Variants in KLHL1 observed in about 807,000 individuals in gnomAD.
KLHL1 encodes kelch like family member 1, also known as kelch-like protein 1.
A neutral mutation model predicts 77.7 loss-of-function variants in KLHL1; 47 were observed. The ratio of observed to expected loss-of-function variants is 0.60; its 90% CI spans 0.48 to 0.77. KLHL1 has a LOEUF of 0.77. Ranked by LOEUF, KLHL1 falls within the 30% of genes least tolerant of loss-of-function variation. The pLI is 0.00. For missense variants in KLHL1, 925 were observed against 910.8 expected, an observed-to-expected ratio of 1.02 and a Z score of -0.20; for synonymous variants, 360 against 325.2, an observed-to-expected ratio of 1.11 and a Z score of -1.15.
intron 1 of KLHL1, among the ~76,000 whole-genome samples, chr13:70,034,923 G>T (rs2137371399): frequency 6.6e-6 from 1 of 152,114 alleles, no homozygotes. Flanking sequence ...TAGGGTCATG[G>T]AATTAAAATG....
chr13:69,848,131 G>A (rs1190027808), intron 5 of KLHL1, among the ~76,000 whole-genome samples: 1 of 151,314 alleles, frequency 6.6e-6, no homozygotes, highest in East Asian at 2.0e-4. Context: ...AACTGTACAA[G>A]CGAAAACAGA....
chr13:70,009,902 T>C lies in KLHL1; in HGVS notation c.498-34100A>G, dbSNP rs1056531312. ...AAAACCAAGTTGTGAATAATGCTAA[T>C]CAATAGAAAAAAATCTGGATGAAAG... is the stretch of plus-strand genomic sequence containing the variant. On this transcript the variant is annotated intron_variant, in intron 1 of 10. Transcript: ENST00000377844. 4.0e-5 allele frequency among the ~76,000 whole-genome samples: 6 copies of C among 151,742 alleles called. No homozygotes were observed. The South Asian group carries it at 1.0e-3, about 26-fold the overall frequency.
rs573768959 is a variant in KLHL1 at position 69,707,937 on chromosome 13, A to G, written c.2016-141T>C. ...TAAAGGCTCAATCATTTGAGCAGGT[A>G]TTCTAGAATGAACATCCATTATGTC... On this transcript the variant is annotated intron_variant, in intron 9 of 10. Coordinates refer to ENST00000377844, the MANE Select transcript of KLHL1 (RefSeq NM_020866.3). The G allele has an allele frequency of 6.7e-6, 4 of 599,442 alleles. No homozygotes were observed. In the South Asian group the frequency reaches 8.8e-5, roughly 13 times the overall value. The allele number at this position is 599,442 out of a possible 1,614,324, so 37.1% of individuals were successfully genotyped here. A position where few individuals can be genotyped will look rare whatever the true frequency, so the allele number is the denominator to read the frequency against.
At chr13:69,736,723 T>C (rs1319405574) in intron 8 of KLHL1, among the ~76,000 whole-genome samples, 1 of 151,628 alleles carries the variant, frequency 6.6e-6, no homozygotes, top group Non-Finnish European at 1.5e-5. Context: ...GGAATACTAC[T>C]CAGCCATAAA....
chr13:70,019,554 C>T (rs900419351), intron 1 of KLHL1, among the ~76,000 whole-genome samples: 4 of 152,210 alleles, frequency 2.6e-5, no homozygotes, highest in Middle Eastern at 3.4e-3. Context: ...CCATGCCAGA[C>T]GATCTGCTAA....
At chr13:69,939,488 G>T (rs1883299481) in intron 4 of KLHL1, among the ~76,000 whole-genome samples, 1 of 151,272 alleles carries the variant, frequency 6.6e-6, no homozygotes, top group African/African-American at 2.4e-5. Flanking sequence ...ACAATATGCT[G>T]TGACGGAGAG....
At chr13:70,084,182 TAC>T (rs1209706453) in intron 1 of KLHL1, among the ~76,000 whole-genome samples, 17 of 152,264 alleles carry the variant, frequency 1.1e-4, no homozygotes, top group African/African-American at 3.8e-4. Context: ...CTTTAAATTA[TAC>T]ACACACATGT....
chr13:69,858,398 T>C (rs758141451), intron 5 of KLHL1, among the ~76,000 whole-genome samples: 4 of 152,090 alleles, frequency 2.6e-5, no homozygotes, highest in Non-Finnish European at 4.4e-5. Flanking sequence ...CTAAATATTA[T>C]GTATAAATCG....
chr13:69,932,943 A>G (rs1209880614), intron 4 of KLHL1, among the ~76,000 whole-genome samples: 1 of 151,986 alleles, frequency 6.6e-6, no homozygotes, highest in Non-Finnish European at 1.5e-5. Flanking sequence ...AACCATAAAA[A>G]AAGAGTTCTC....
chr13:69,837,864 A>T (rs936012101), intron 6 of KLHL1, among the ~76,000 whole-genome samples: 1 of 151,426 alleles, frequency 6.6e-6, no homozygotes, highest in African/African-American at 2.4e-5. Context: ...ACCTTCTCCC[A>T]GGACCAATAT....
At chr13:69,711,966 C>G (rs192742771) in intron 9 of KLHL1, among the ~76,000 whole-genome samples, 302 of 152,238 alleles carry the variant, frequency 2.0e-3, no homozygotes, top group African/African-American at 6.5e-3. Flanking sequence ...TCCCTGACGA[C>G]TAATGCCATC....
chr13:70,027,747 A>G (rs4883851), intron 1 of KLHL1, among the ~76,000 whole-genome samples: 128,254 of 150,540 alleles, frequency 0.85, 55,190 homozygotes, highest in East Asian at 0.92. Context: ...GTGAGAAACA[A>G]ATGTTTATTG....
chr13:69,722,837 G>A (rs185760847), intron 8 of KLHL1, among the ~76,000 whole-genome samples: 1 of 151,934 alleles, frequency 6.6e-6, no homozygotes, highest in Admixed American at 6.6e-5. Context: ...CAAAGGAAAT[G>A]AAACCAGTAT....
intron 4 of KLHL1, among the ~76,000 whole-genome samples, chr13:69,916,732 A>C (rs1882456230): frequency 6.6e-6 from 1 of 152,098 alleles, no homozygotes; most frequent in Non-Finnish European, 1.5e-5. Flanking sequence ...CTAAAACTTA[A>C]AGTATAATAA....
At chr13:69,789,593 C>A (rs1876763175) in intron 7 of KLHL1, among the ~76,000 whole-genome samples, 1 of 152,054 alleles carries the variant, frequency 6.6e-6, no homozygotes, top group African/African-American at 2.4e-5. Flanking sequence ...AATCAGTTAA[C>A]CAATAGTAGA....
intron 5 of KLHL1, among the ~76,000 whole-genome samples, chr13:69,867,915 A>T (rs1045514963): frequency 6.6e-6 from 1 of 151,902 alleles, no homozygotes. Context: ...TAACGAGTTA[A>T]TGGGTGCAGC....
At chr13:69,831,817 A>T (rs115549345) in intron 6 of KLHL1, among the ~76,000 whole-genome samples, 1 of 150,186 alleles carries the variant, frequency 6.7e-6, no homozygotes, top group Admixed American at 6.6e-5. Flanking sequence ...TAGATGTGCT[A>T]CACAACATAA....
intron 1 of KLHL1, among the ~76,000 whole-genome samples, chr13:70,069,293 G>A (rs763390290): frequency 2.6e-5 from 4 of 152,142 alleles, no homozygotes; most frequent in African/African-American, 4.8e-5. Context: ...AAAGATAATA[G>A]GTCAGACAAA....
In KLHL1 at chr13:69,917,283, G is replaced by T. The variant is rs183375269; in HGVS notation, c.1014+22757C>A. ...AAATGAAATGCTTAAAACCAAAAGGGATTCCTAAAAACTGAAACTAAAATC... is the reference window on the plus strand; with the variant it reads ...AAATGAAATGCTTAAAACCAAAAGGTATTCCTAAAAACTGAAACTAAAATC... On this transcript the variant is annotated intron_variant, in intron 4 of 10. Transcript: ENST00000377844. Among the ~76,000 whole-genome samples, 22 of 151,826 alleles carry T rather than the reference G, an allele frequency of 1.4e-4. No homozygotes were observed. In the East Asian group the frequency reaches 3.7e-3, roughly 25 times the overall value.
Sources: gnomAD v4.1 joint callset for allele counts (sites outside exome capture counted in the v4.1 genomes callset) on GRCh38, gnomAD v4.1.1 for gene constraint, MANE v1.5 for transcripts, NCBI Gene and HGNC (gene_info 2026-07-23, HGNC 2026-07-21) for gene names.